Variants in LARP1B observed in about 807,000 individuals in gnomAD.
LARP1B encodes the protein La ribonucleoprotein 1B.
In LARP1B, 76 loss-of-function variants were observed where a neutral mutation model predicts 114.2. That is an observed-to-expected ratio of 0.67 (90% CI 0.55 to 0.81). The LOEUF (loss-of-function observed/expected upper bound fraction) is 0.81. Ranked by LOEUF, LARP1B falls within the 30% of genes least tolerant of loss-of-function variation. The pLI, the probability that LARP1B is intolerant of heterozygous loss-of-function variation, is 0.00. For missense variants in LARP1B, 1,014 were observed against 1,075.8 expected (o/e 0.94, Z 0.80); for synonymous variants, 345 against 348.0 (o/e 0.99, Z 0.10).
rs191509793 is a variant in LARP1B, at chr4:128,087,804, G to T, written c.359-3197G>T. Among the ~76,000 whole-genome samples the T allele has an allele frequency of 5.9e-5, 9 of 151,864 alleles. 1 individual carries two copies. The East Asian group carries it at 1.8e-3, about 30-fold the overall frequency. On this transcript the variant is annotated intron_variant, in intron 5 of 19. Coordinates refer to ENST00000326639, the MANE Select transcript of LARP1B (RefSeq NM_018078.4). ...TGAGGCAGGAGGATTGCTTGAGCCT[G>T]CGAATTTGGGGCTGTAGTGCACAAT...
chr4:128,079,539 C>CT (rs927452743), intron 4 of LARP1B, among the ~76,000 whole-genome samples: 9 of 151,122 alleles, frequency 6.0e-5, no homozygotes, highest in Admixed American at 2.0e-4. Context: ...CTTCCTGTTT[C>CT]TTTTTTTTTA....
intron 11 of LARP1B, chr4:128,156,231 T>C (rs1735576267): frequency 6.7e-7 from 1 of 1,488,804 alleles, no homozygotes; most frequent in Non-Finnish European, 9.3e-7. Flanking sequence ...TCCCTGCAGG[T>C]GCCACCCTAA....
chr4:128,067,054 C>A (rs188674811), intron 1 of LARP1B, among the ~76,000 whole-genome samples: 45 of 151,874 alleles, frequency 3.0e-4, no homozygotes, highest in African/African-American at 1.0e-3. Context: ...TTGATGCGCC[C>A]GCTTCGGCCT....
chr4:128,109,827 C>T (rs1580513887), intron 9 of LARP1B, among the ~76,000 whole-genome samples: 1 of 151,454 alleles, frequency 6.6e-6, no homozygotes, highest in East Asian at 1.9e-4. Context: ...GAACTGTGAT[C>T]CTCCCAAGGT....
chr4:128,098,178 C>T lies in LARP1B; in HGVS notation c.669-8C>T. ...ATAAATGGATGAAATTCTGATTTCTCTTTTCAGTGAATATTACTTCAGTGT... is the reference window on the plus strand; with the variant it reads ...ATAAATGGATGAAATTCTGATTTCTTTTTTCAGTGAATATTACTTCAGTGT... On this transcript the variant is annotated splice_polypyrimidine_tract_variant and splice_region_variant and intron_variant, in intron 7 of 19. Transcript: ENST00000326639. 6.3e-7 allele frequency: 1 copy of T among 1,596,060 alleles called. No individual in the cohort carries two copies. Among genetic ancestry groups the T allele is most frequent in the Non-Finnish European group, 8.6e-7 (1 of 1,164,846 alleles).
At chr4:128,134,379 A>C (rs1478689324) in intron 11 of LARP1B, among the ~76,000 whole-genome samples, 1 of 152,196 alleles carries the variant, frequency 6.6e-6, no homozygotes, top group Non-Finnish European at 1.5e-5. Context: ...TGATATTGGG[A>C]AAATTGGGTA....
rs573698808 is a variant in LARP1B, at chr4:128,221,653, A to G, written n.935-696A>G. Among the ~76,000 whole-genome samples the G allele has an allele frequency of 3.9e-5, 6 of 152,334 alleles. No individual in the cohort carries two copies. The East Asian group carries it at 9.6e-4, about 24-fold the overall frequency. ...AGACTTTTATTGTAACACAAACATT[A>G]TCACAGTACTGTAATGCTTAATGTT... On this transcript the variant is annotated intron_variant and non_coding_transcript_variant, in intron 7 of 7. Coordinates refer to the LARP1B transcript ENST00000503725.
At chr4:128,191,569 C>T (rs1235624672) in intron 15 of LARP1B, among the ~76,000 whole-genome samples, 3 of 152,070 alleles carry the variant, frequency 2.0e-5, no homozygotes, top group Non-Finnish European at 4.4e-5. Flanking sequence ...GGGGATTACC[C>T]CAACTGTGTG....
At chr4:128,090,164 C>T (rs1199934791) in intron 5 of LARP1B, among the ~76,000 whole-genome samples, 1 of 151,958 alleles carries the variant, frequency 6.6e-6, no homozygotes, top group Non-Finnish European at 1.5e-5. Flanking sequence ...CCCCTGCCTC[C>T]CGAGTTCAAG....
chr4:128,200,565 C>G lies in LARP1B; in HGVS notation c.2209C>G (p.Leu737Val). Reference sequence around the variant, plus strand: ...TGGTCAGTCCCAAGAAATGAATACCCTCTTTCGTTTCTGGTCCTTTTTCCT... The same window carrying G: ...TGGTCAGTCCCAAGAAATGAATACCGTCTTTCGTTTCTGGTCCTTTTTCCT... ...GIGQSQEMNT[L>V]FRFWSFFLRD... Residue 737 changes from leucine to valine, a missense_variant, in exon 17 of 20, where the codon CTC (leucine) becomes GTC (valine). Coordinates refer to ENST00000326639, the MANE Select transcript of LARP1B (RefSeq NM_018078.4). The G allele has an allele frequency of 6.3e-7, 1 of 1,591,268 alleles. No individual in the cohort carries two copies. Among genetic ancestry groups the G allele is most frequent in the Non-Finnish European group, 8.6e-7 (1 of 1,169,436 alleles).
At chr4:128,202,500 T>A (rs918754661) in intron 17 of LARP1B, among the ~76,000 whole-genome samples, 3 of 152,238 alleles carry the variant, frequency 2.0e-5, no homozygotes, top group Non-Finnish European at 2.9e-5. Flanking sequence ...TTGATTTAGT[T>A]ATAAGGTAAA....
chr4:128,175,974 C>T (rs946993177), intron 12 of LARP1B, among the ~76,000 whole-genome samples: 1 of 151,180 alleles, frequency 6.6e-6, no homozygotes, highest in Non-Finnish European at 1.5e-5. Flanking sequence ...CTTACTCTTT[C>T]TGGGTTGTTA....
intron 11 of LARP1B, among the ~76,000 whole-genome samples, chr4:128,144,690 G>A (rs932563867): frequency 1.3e-5 from 2 of 151,968 alleles, no homozygotes; most frequent in African/African-American, 4.8e-5. Context: ...TTATCATTCT[G>A]TCTTAAACTT....
rs544388435 is a variant in LARP1B, at chr4:128,196,110, G to A, written c.2004-3329G>A. On this transcript the variant is annotated intron_variant, in intron 15 of 19. Transcript: ENST00000326639. ...TACTAAAAATACAAAAATTAGCTGGGCATGGTGGTGGGCGCCTGTAGTCCC... is the reference window on the plus strand; with the variant it reads ...TACTAAAAATACAAAAATTAGCTGGACATGGTGGTGGGCGCCTGTAGTCCC... Among the ~76,000 whole-genome samples, 77 of 151,898 alleles carry A rather than the reference G, an allele frequency of 5.1e-4. 2 individuals are homozygous for A. The highest frequency in any genetic ancestry group is 6.8e-3 in the Middle Eastern group (2 of 294).
intron 15 of LARP1B, among the ~76,000 whole-genome samples, chr4:128,196,223 C>A (rs1754011660): frequency 7.5e-6 from 1 of 133,348 alleles, no homozygotes; most frequent in African/African-American, 2.8e-5. Context: ...TACACTTCAG[C>A]CTGGGCGACA....
chr4:128,104,775 A>G (rs1176402293), intron 8 of LARP1B, among the ~76,000 whole-genome samples: 1 of 152,134 alleles, frequency 6.6e-6, no homozygotes, highest in East Asian at 1.9e-4. Context: ...TCCTATTGAT[A>G]GACATATTTG....
chr4:128,088,845 A>G (rs1359851135), intron 5 of LARP1B, among the ~76,000 whole-genome samples: 2 of 152,140 alleles, frequency 1.3e-5, no homozygotes, highest in Non-Finnish European at 2.9e-5. Context: ...GCACACCTGT[A>G]ATCCCAACAC....
intron 9 of LARP1B, chr4:128,108,010 C>G: frequency 6.6e-7 from 1 of 1,523,956 alleles, no homozygotes. Flanking sequence ...AGCGATCAGA[C>G]TGTCTTCTGT....
chr4:128,110,978 A>C (rs1434162505), intron 9 of LARP1B, among the ~76,000 whole-genome samples: 1 of 151,862 alleles, frequency 6.6e-6, no homozygotes, highest in African/African-American at 2.4e-5. Context: ...TGGGAGGTTA[A>C]GTTTGGAGGA....
Sources: allele counts gnomAD v4.1 joint callset (sites outside exome capture counted in the v4.1 genomes callset), GRCh38; gene constraint gnomAD v4.1.1; transcripts MANE v1.5; gene names NCBI Gene and HGNC (gene_info 2026-07-23, HGNC 2026-07-21).